SVEP1: variants seen among roughly 807,000 people sequenced by gnomAD.
SVEP1 encodes sushi, von Willebrand factor type A, EGF and pentraxin domain-containing protein 1.
In SVEP1, 164 loss-of-function variants were observed where a neutral mutation model predicts 367.3. The observed-to-expected ratio is 0.45, with a 90% CI of 0.39 to 0.51. The LOEUF (loss-of-function observed/expected upper bound fraction) is 0.51, where lower values mean the gene tolerates loss of function less well. Among genes scored for constraint, SVEP1 ranks in the 20% least tolerant of loss-of-function variants. The pLI, the probability that SVEP1 is intolerant of heterozygous loss-of-function variation, is 0.00. For missense variants in SVEP1, 4,117 were observed against 4,425.3 expected (o/e 0.93, Z 1.98); for synonymous variants, 1,666 against 1,611.6 (o/e 1.03, Z -0.81).
In SVEP1 at chr9:110,400,869, A is replaced by C; in HGVS notation, c.9807T>G (p.Pro3269=). The change falls in exon 40 of 48, where the codon CCT becomes CCG. Residue 3269 remains proline, a synonymous_variant. Transcript: ENST00000374469. ...GTTCGCTTACCTCTAGTTCATAGCC[A>C]GGCTCACACTGATAAATAATTGTGC... The part of the protein sequence containing the change: ...FESTIIYQCE[P]GYELEGNRER... 1 of 1,612,286 alleles carries C rather than the reference A, an allele frequency of 6.2e-7. No homozygotes were observed. Among genetic ancestry groups the C allele is most frequent in the Non-Finnish European group, 8.5e-7 (1 of 1,179,350 alleles).
chr9:110,518,509 T>C (rs1025827555), intron 3 of SVEP1, among the ~76,000 whole-genome samples: 1 of 152,036 alleles, frequency 6.6e-6, no homozygotes, highest in Non-Finnish European at 1.5e-5. Context: ...AGACACCATC[T>C]TGCTCTTTAA....
chr9:110,512,771 A>T, intron 5 of SVEP1, 155 bp downstream of exon 5: 1 of 890,972 alleles, frequency 1.1e-6, no homozygotes, highest in East Asian at 2.7e-5. Context: ...GAACTTGGTA[A>T]TTCTGATTTC....
chr9:110,528,156 G>GTGTATATA lies in SVEP1; in HGVS notation c.965-14051_965-14050insTATATACA. Among the ~76,000 whole-genome samples, 295 of 33,932 alleles carry GTGTATATA rather than the reference G, an allele frequency of 8.7e-3. 5 individuals carry two copies. The highest frequency in any genetic ancestry group is 0.019 in the African/African-American group (184 of 9,460). The allele number at this position is 33,932 out of a possible 152,430, so 22.3% of individuals were successfully genotyped here. ...CGTGTGTGTGTGTGTGTGTGTGTGT[G>GTGTATATA]TATATATATATATATATATATATAT... On this transcript the variant is annotated intron_variant, in intron 3 of 47. Coordinates refer to ENST00000374469, the MANE Select transcript of SVEP1 (RefSeq NM_153366.4).
At chr9:110,539,871 T>G (rs1830123316) in intron 3 of SVEP1, among the ~76,000 whole-genome samples, 1 of 151,990 alleles carries the variant, frequency 6.6e-6, no homozygotes, top group South Asian at 2.1e-4. Flanking sequence ...TTGAAATTAA[T>G]TTTTAAATGT....
At position 110,436,432 on chromosome 9, in the gene SVEP1, A is replaced by G. The variant is rs757331068; in HGVS notation, c.4712T>C (p.Val1571Ala). The part of the protein sequence containing the change: ...GEGFSPAESF[V>A]GSISQLNLWD... ...GAGGTTGAGCTGGCTTATGGAGCCC[A>G]CAAAAGACTCAGCTGGGCTGAATCC... Residue 1571 changes from valine to alanine, a missense_variant, in exon 28 of 48, where the codon GTG becomes GCG. By Grantham distance (64) the Val-to-Ala change is moderately conservative. Coordinates refer to ENST00000374469, the MANE Select transcript of SVEP1 (RefSeq NM_153366.4). The G allele has an allele frequency of 1.8e-5, 29 of 1,613,862 alleles. No homozygotes were observed. Among genetic ancestry groups the G allele is most frequent in the Admixed American group, 1.7e-4 (10 of 60,006 alleles).
chr9:110,573,221 A>T (rs899796394), intron 1 of SVEP1, among the ~76,000 whole-genome samples: 3 of 151,908 alleles, frequency 2.0e-5, no homozygotes, highest in Admixed American at 6.6e-5. Context: ...TTATTTCAGC[A>T]CTGGGGCCAT....
At chr9:110,504,649 T>A (rs1390173670) in intron 5 of SVEP1, among the ~76,000 whole-genome samples, 1 of 152,134 alleles carries the variant, frequency 6.6e-6, no homozygotes, top group East Asian at 1.9e-4. Context: ...CTTAACACAT[T>A]GTTATTTGGG....
At chr9:110,541,469 C>T (rs1407519280) in intron 3 of SVEP1, among the ~76,000 whole-genome samples, 1 of 152,122 alleles carries the variant, frequency 6.6e-6, no homozygotes, top group East Asian at 1.9e-4. Flanking sequence ...CCAGCATGCA[C>T]TGGTGAATGC....
At chr9:110,501,513 G>A (rs1829529058) in intron 6 of SVEP1, among the ~76,000 whole-genome samples, 1 of 151,178 alleles carries the variant, frequency 6.6e-6, no homozygotes, top group African/African-American at 2.4e-5. Context: ...GTTGTGGGGG[G>A]GGCAGGCTTG....
At chr9:110,425,602 C>G (rs1327540) in intron 36 of SVEP1, among the ~76,000 whole-genome samples, 19,839 of 152,120 alleles carry the variant, frequency 0.13, 1,642 homozygotes, top group East Asian at 0.24. Context: ...TAGAATTCCT[C>G]TAAATAAAAA....
chr9:110,538,909 T>C (rs1421563534), intron 3 of SVEP1, among the ~76,000 whole-genome samples: 1 of 152,096 alleles, frequency 6.6e-6, no homozygotes, highest in Non-Finnish European at 1.5e-5. Context: ...TAATCTAGGA[T>C]TTGATTTGTT....
chr9:110,508,460 A>G (rs1420704262), intron 5 of SVEP1, among the ~76,000 whole-genome samples: 1 of 152,206 alleles, frequency 6.6e-6, no homozygotes, highest in East Asian at 1.9e-4. Flanking sequence ...TTTCCTGTTT[A>G]GAAAGAAATG....
At chr9:110,499,956 T>C (rs999453561) in intron 6 of SVEP1, among the ~76,000 whole-genome samples, 1 of 152,238 alleles carries the variant, frequency 6.6e-6, no homozygotes. Context: ...CTAACATTTA[T>C]TCAGTACCTA....
At chr9:110,375,926 C>T (rs933628650) in intron 45 of SVEP1, among the ~76,000 whole-genome samples, 1 of 152,170 alleles carries the variant, frequency 6.6e-6, no homozygotes, top group Non-Finnish European at 1.5e-5. Context: ...GAGTTTGCAA[C>T]ATTTTGGTAG....
rs780313299 is a variant in SVEP1 at position 110,408,770 on chromosome 9, C to T, written c.6830G>A (p.Gly2277Glu). The T allele has an allele frequency of 1.2e-6, 2 of 1,613,610 alleles. No individual in the cohort carries two copies. The highest frequency in any genetic ancestry group is 1.7e-6 in the Non-Finnish European group (2 of 1,179,884). ...CTTGGACCCTACTTCAAAGTTTTCT[C>T]CTTTCATGAAGCCATTCTGGATCGG... ...PPPIQNGFMK[G>E]ENFEVGSKVQ... Residue 2277 changes from glycine (G) to glutamate (E), a missense_variant, in exon 38 of 48, where the codon GGA (glycine) becomes GAA (glutamate). By Grantham distance (98) the Gly-to-Glu change is moderately conservative. Transcript: ENST00000374469.
intron 30 of SVEP1, 126 bp downstream of exon 30, chr9:110,434,210 G>T (rs765681807): frequency 9.9e-6 from 11 of 1,114,228 alleles, no homozygotes; most frequent in Non-Finnish European, 1.2e-5. Context: ...CAAAGAAAAG[G>T]TTCAATGAAT....
At chr9:110,413,212 T>G (rs935144786) in intron 36 of SVEP1, among the ~76,000 whole-genome samples, 4 of 141,166 alleles carry the variant, frequency 2.8e-5, no homozygotes, top group African/African-American at 8.0e-5. Flanking sequence ...TATGCAGCCA[T>G]AAAAAATGAT....
At chr9:110,528,148 GTGTGTGTGTATATATATATA>G (rs1829966164) in intron 3 of SVEP1, among the ~76,000 whole-genome samples, 1 of 31,868 alleles carries the variant, frequency 3.1e-5, no homozygotes, top group African/African-American at 1.0e-4. Context: ...GTGTGTGTGT[GTGTGTGTGTATATATATATA>G]TATATATATA....
intron 16 of SVEP1, among the ~76,000 whole-genome samples, chr9:110,470,682 C>G (rs182365205): frequency 0.016 from 2,374 of 151,820 alleles, 22 homozygotes; most frequent in Non-Finnish European, 0.025. Flanking sequence ...GTGATCCTCC[C>G]GCCTTGGCCT....
Sources: gnomAD v4.1 joint callset for allele counts (sites outside exome capture counted in the v4.1 genomes callset) on GRCh38, gnomAD v4.1.1 for gene constraint, MANE v1.5 for transcripts, NCBI Gene and HGNC (gene_info 2026-07-23, HGNC 2026-07-21) for gene names.